The following ARHGAP25 variants were observed in gnomAD, a reference collection of about 807,000 sequenced individuals.
ARHGAP25 encodes the protein Rho GTPase activating protein 25.
ARHGAP25 carries 34 observed loss-of-function variants against 71.0 expected under a neutral mutation model. The ratio of observed to expected loss-of-function variants is 0.48; its 90% CI spans 0.36 to 0.64. The LOEUF (loss-of-function observed/expected upper bound fraction) is 0.64, where lower values mean the gene tolerates loss of function less well. ARHGAP25 is among the 30% of genes least tolerant of loss of function. The pLI is 0.00. For synonymous variants in ARHGAP25, 282 were observed against 296.5 expected (o/e 0.95, Z 0.50); for missense variants, 706 against 805.1 (o/e 0.88, Z 1.49).
intron 5 of ARHGAP25, among the ~76,000 whole-genome samples, chr2:68,810,726 C>CT (rs1558655508): frequency 8.1e-6 from 1 of 124,106 alleles, no homozygotes; most frequent in Admixed American, 8.1e-5. Context: ...CTTTTCTTTT[C>CT]TTCTCTTTTT....
In ARHGAP25 at chr2:68,715,233, A is replaced by G. The variant is rs558419799; in HGVS notation, c.-18+4535A>G. The stretch of plus-strand genomic sequence containing the variant: ...CCTCAGCACTGCCTGAAAAGTTGGT[A>G]GAAATGCAAATTCTTGGGCCCTACC... On this transcript the variant is annotated intron_variant and NMD_transcript_variant, in intron 2 of 7. Coordinates refer to the ARHGAP25 transcript ENST00000463483. Among the ~76,000 whole-genome samples the G allele has an allele frequency of 3.3e-5, 5 of 152,330 alleles. No individual in the cohort carries two copies. In the South Asian group the frequency reaches 1.0e-3, roughly 32 times the overall value.
intron 4 of ARHGAP25, among the ~76,000 whole-genome samples, chr2:68,803,037 C>A (rs1367214451): frequency 6.6e-6 from 1 of 151,324 alleles, no homozygotes; most frequent in East Asian, 1.9e-4. Context: ...AGATCTGGAC[C>A]AGATATGCAG....
chr2:68,716,798 A>G (rs1456946269), intron 2 of ARHGAP25, among the ~76,000 whole-genome samples: 1 of 152,092 alleles, frequency 6.6e-6, no homozygotes, highest in African/African-American at 2.4e-5. Context: ...TTCTGAACCA[A>G]ACTTCCTTCA....
At chr2:68,712,723 A>G (rs555536220) in intron 2 of ARHGAP25, among the ~76,000 whole-genome samples, 3 of 152,212 alleles carry the variant, frequency 2.0e-5, no homozygotes, top group Non-Finnish European at 4.4e-5. Context: ...AGGTTTCTGC[A>G]TATAGCTAGC....
At chr2:68,764,272 T>A (rs1573467477) in intron 1 of ARHGAP25, among the ~76,000 whole-genome samples, 1 of 152,344 alleles carries the variant, frequency 6.6e-6, no homozygotes, top group Middle Eastern at 3.4e-3. Context: ...AACCTGTTTG[T>A]GGCTTCTGGA....
intron 1 of ARHGAP25, among the ~76,000 whole-genome samples, chr2:68,763,096 G>A (rs751075549): frequency 2.0e-4 from 31 of 152,182 alleles, no homozygotes; most frequent in Middle Eastern, 3.2e-3. Context: ...GTAAAATCTC[G>A]ATACTTTTTC....
At chr2:68,735,650 A>G (rs1171542259) in intron 1 of ARHGAP25, 3 of 197,014 alleles carry the variant, frequency 1.5e-5, no homozygotes, top group Non-Finnish European at 3.1e-5. Context: ...TCAATCTGTA[A>G]GTAAATTCAA....
intron 1 of ARHGAP25, among the ~76,000 whole-genome samples, chr2:68,755,769 T>C (rs1676446616): frequency 6.6e-6 from 1 of 152,212 alleles, no homozygotes; most frequent in African/African-American, 2.4e-5. Flanking sequence ...GGGGTAATGG[T>C]TGAGTTAAAA....
intron 1 of ARHGAP25, among the ~76,000 whole-genome samples, chr2:68,748,633 A>AT (rs36110423): frequency 0.095 from 14,436 of 151,640 alleles, 794 homozygotes; most frequent in Non-Finnish European, 0.12. Context: ...AGTCCAAAGC[A>AT]TTTTTTTTTC....
chr2:68,730,089 C>T (rs1395224403), upstream of ARHGAP25, among the ~76,000 whole-genome samples: 1 of 151,848 alleles, frequency 6.6e-6, no homozygotes, highest in African/African-American at 2.4e-5. Flanking sequence ...TTTTTCATGA[C>T]TTTTTTTTGT....
intron 4 of ARHGAP25, among the ~76,000 whole-genome samples, chr2:68,789,821 T>C (rs1157478497): frequency 1.3e-5 from 2 of 152,136 alleles, no homozygotes; most frequent in African/African-American, 4.8e-5. Context: ...TCTGTCATGA[T>C]ACACATGGGG....
chr2:68,818,635 A>G (rs908598619), intron 8 of ARHGAP25, among the ~76,000 whole-genome samples: 3 of 152,218 alleles, frequency 2.0e-5, no homozygotes, highest in Admixed American at 6.5e-5. Flanking sequence ...GCCAGCTTTC[A>G]TTTTACAAGC....
At chr2:68,724,863 C>A (rs563101222) in intron 2 of ARHGAP25, among the ~76,000 whole-genome samples, 4 of 152,302 alleles carry the variant, frequency 2.6e-5, no homozygotes, top group East Asian at 3.9e-4. Context: ...GTCATCCAAC[C>A]CGTTGGGAGA....
chr2:68,751,807 G>C (rs1289781228), intron 1 of ARHGAP25, among the ~76,000 whole-genome samples: 1 of 152,198 alleles, frequency 6.6e-6, no homozygotes, highest in East Asian at 1.9e-4. Flanking sequence ...ACCAATCCAA[G>C]AGCGACAGCT....
At chr2:68,721,208 C>T (rs1024564157) in intron 2 of ARHGAP25, among the ~76,000 whole-genome samples, 3 of 152,178 alleles carry the variant, frequency 2.0e-5, no homozygotes, top group Admixed American at 6.5e-5. Context: ...AGGTTGGTGA[C>T]GCCTTTTATG....
At position 68,820,355 on chromosome 2, in the gene ARHGAP25, G is replaced by A. The variant is rs541001382; in HGVS notation, c.1200+1036G>A. Among the ~76,000 whole-genome samples the A allele has an allele frequency of 2.4e-4, 36 of 152,256 alleles. No homozygotes were observed. In the South Asian group the frequency reaches 5.6e-3, roughly 24 times the overall value. ...GGGCAGAATTTATCATTCGTATTGT[G>A]TTATTGAGGAGCAGAAACTCAGAGA... On this transcript the variant is annotated intron_variant, in intron 9 of 10. Coordinates refer to ENST00000409202, the MANE Select transcript of ARHGAP25 (RefSeq NM_001007231.3).
chr2:68,756,387 ATTG>A (rs2104330062), intron 1 of ARHGAP25, among the ~76,000 whole-genome samples: 1 of 152,308 alleles, frequency 6.6e-6, no homozygotes, highest in East Asian at 1.9e-4. Flanking sequence ...AACTCTCCCT[ATTG>A]TTGTAAGCAC....
intron 4 of ARHGAP25, among the ~76,000 whole-genome samples, chr2:68,796,075 T>C (rs1413309388): frequency 1.3e-5 from 2 of 152,242 alleles, no homozygotes; most frequent in East Asian, 3.8e-4. Context: ...AATACTTGTA[T>C]TCAGGTTCTG....
At chr2:68,811,022 A>G (rs983255675) in intron 5 of ARHGAP25, among the ~76,000 whole-genome samples, 1 of 152,190 alleles carries the variant, frequency 6.6e-6, no homozygotes, top group African/African-American at 2.4e-5. Context: ...GACTACAGAC[A>G]TAAGCCACTG....
Sources: allele counts gnomAD v4.1 joint callset (sites outside exome capture counted in the v4.1 genomes callset), GRCh38; gene constraint gnomAD v4.1.1; transcripts MANE v1.5; gene names NCBI Gene and HGNC (gene_info 2026-07-23, HGNC 2026-07-21).